The following DSCAM variants were observed in gnomAD, a reference collection of about 807,000 sequenced individuals.
DSCAM encodes cell adhesion molecule DSCAM.
Under a neutral mutation model 217.7 loss-of-function variants are expected in DSCAM, and 47 were observed. The observed-to-expected ratio is 0.22, with a 90% CI of 0.17 to 0.28. The LOEUF (loss-of-function observed/expected upper bound fraction) is 0.28. Among genes scored for constraint, DSCAM ranks in the 10% least tolerant of loss-of-function variants. DSCAM has a pLI of 1.00. For missense variants in DSCAM, 2,080 were observed against 2,618.3 expected (o/e 0.79, Z 4.49); for synonymous variants, 1,056 against 1,015.3 (o/e 1.04, Z -0.76).
chr21:40,349,136 CA>C (rs758386936), intron 5 of DSCAM, among the ~76,000 whole-genome samples: 1,031 of 38,708 alleles, frequency 0.027, 44 homozygotes, highest in African/African-American at 0.083. Context: ...GACTCCATCT[CA>C]AAAAAAAAAA....
intron 25 of DSCAM, among the ~76,000 whole-genome samples, chr21:40,079,305 C>T (rs560136700): frequency 1.3e-5 from 2 of 152,214 alleles, no homozygotes; most frequent in East Asian, 3.9e-4. Flanking sequence ...GCACTTTTTC[C>T]ATCCTCATGT....
At chr21:40,748,055 AC>A (rs1222295379) in intron 1 of DSCAM, among the ~76,000 whole-genome samples, 1 of 151,952 alleles carries the variant, frequency 6.6e-6, no homozygotes, top group Non-Finnish European at 1.5e-5. Flanking sequence ...GGTTATAAAA[AC>A]AACACACCTT....
chr21:40,156,805 T>C (rs2090483465), intron 16 of DSCAM, among the ~76,000 whole-genome samples: 1 of 152,226 alleles, frequency 6.6e-6, no homozygotes, highest in African/African-American at 2.4e-5. Context: ...AGGTCACTTC[T>C]GTTATGCATT....
At chr21:40,602,863 T>G (rs1281395097) in intron 3 of DSCAM, among the ~76,000 whole-genome samples, 2 of 152,022 alleles carry the variant, frequency 1.3e-5, no homozygotes, top group African/African-American at 4.8e-5. Context: ...TTCTTTCTTC[T>G]GCTTGTTTTA....
intron 32 of DSCAM, among the ~76,000 whole-genome samples, chr21:40,041,008 T>A (rs2088738371): frequency 6.6e-6 from 1 of 151,712 alleles, no homozygotes; most frequent in East Asian, 1.9e-4. Context: ...AGAATGAAAA[T>A]AAAGGAAGCC....
chr21:40,717,272 G>T (rs2090852155), intron 1 of DSCAM, among the ~76,000 whole-genome samples: 1 of 152,242 alleles, frequency 6.6e-6, no homozygotes. Flanking sequence ...AGATTGTAAA[G>T]AGTGTCAGGT....
rs755767800 is a variant in DSCAM, at chr21:40,605,791, C to CTTTTTTTTTTTTT, written c.508+87006_508+87018dup. 1.3e-4 allele frequency among the ~76,000 whole-genome samples: 8 copies of CTTTTTTTTTTTTT among 62,006 alleles called. 1 individual carries two copies. The highest frequency in any genetic ancestry group is 5.1e-4 in the African/African-American group (8 of 15,822). 40.7% of individuals were successfully genotyped at this position (62,006 alleles called of 152,430 possible). On this transcript the variant is annotated intron_variant, in intron 3 of 32. Coordinates refer to ENST00000400454, the MANE Select transcript of DSCAM (RefSeq NM_001389.5). ...CTTATATATGTGCTTAATGCACATT[C>CTTTTTTTTTTTTT]TTTTTTTTTTTTTTTTTTTTTTTTT...
intron 10 of DSCAM, among the ~76,000 whole-genome samples, chr21:40,284,299 G>A (rs1569041124): frequency 6.6e-6 from 1 of 152,186 alleles, no homozygotes; most frequent in African/African-American, 2.4e-5. Context: ...CTTGGTTCCA[G>A]GCTGGAGAGC....
At chr21:40,148,582 A>T (rs761237907) in intron 16 of DSCAM, among the ~76,000 whole-genome samples, 1 of 152,052 alleles carries the variant, frequency 6.6e-6, no homozygotes, top group Non-Finnish European at 1.5e-5. Context: ...TTCTATTTCA[A>T]TTACAACACT....
chr21:40,235,112 CA>C (rs1459096694), intron 11 of DSCAM, among the ~76,000 whole-genome samples: 22 of 152,156 alleles, frequency 1.4e-4, no homozygotes, highest in African/African-American at 5.3e-4. Context: ...CAAAAATTAG[CA>C]GAGCAAATGT....
chr21:40,649,491 C>T (rs1416802387), intron 3 of DSCAM, among the ~76,000 whole-genome samples: 1 of 152,198 alleles, frequency 6.6e-6, no homozygotes, highest in Non-Finnish European at 1.5e-5. Flanking sequence ...AATATATATA[C>T]TTTAGCAACA....
intron 3 of DSCAM, among the ~76,000 whole-genome samples, chr21:40,559,831 C>T (rs1470475981): frequency 1.4e-5 from 2 of 140,462 alleles, no homozygotes; most frequent in African/African-American, 2.7e-5. Context: ...CTCGCTCTGT[C>T]TCCCAGGCTG....
chr21:40,821,850 G>A (rs1003136835), intron 1 of DSCAM, among the ~76,000 whole-genome samples: 2 of 151,936 alleles, frequency 1.3e-5, no homozygotes, highest in Non-Finnish European at 2.9e-5. Context: ...AACACACACT[G>A]GGGCCTATTG....
intron 6 of DSCAM, among the ~76,000 whole-genome samples, chr21:40,342,648 A>ATATATATATATATTTT (rs61637421): frequency 1.2e-5 from 1 of 80,322 alleles, no homozygotes; most frequent in African/African-American, 5.2e-5. Context: ...ATATATATAT[A>ATATATATATATATTTT]TTTTTTTTTT....
intron 3 of DSCAM, among the ~76,000 whole-genome samples, chr21:40,508,095 T>TC (rs1164401743): frequency 7.9e-5 from 12 of 152,048 alleles, no homozygotes; most frequent in African/African-American, 2.7e-4. Flanking sequence ...GGGGATGGAG[T>TC]ATGGACGCAG....
chr21:40,738,834 C>T (rs1308073360), intron 1 of DSCAM, among the ~76,000 whole-genome samples: 1 of 152,196 alleles, frequency 6.6e-6, no homozygotes, highest in Admixed American at 6.5e-5. Flanking sequence ...TGCTTCACTA[C>T]CAAGGCTTGG....
intron 24 of DSCAM, among the ~76,000 whole-genome samples, chr21:40,081,965 G>T (rs933214979): frequency 2.6e-5 from 4 of 152,214 alleles, no homozygotes; most frequent in Admixed American, 1.3e-4. Context: ...TTTCATTTGA[G>T]CCTAAAACCT....
chr21:40,085,757 G>C lies in DSCAM; in HGVS notation c.3977C>G (p.Thr1326Arg), dbSNP rs1365730685. Residue 1326 changes from threonine to arginine, a missense_variant, in exon 23 of 33, where the codon ACA becomes AGA. By Grantham distance (71) the Thr-to-Arg change is moderately conservative. Transcript: ENST00000400454. Reference sequence around the variant, plus strand: ...CCCATCAATCGTTACTAGACTGGGTGTCCCGTTACTGCCTCACAGGAAGAA... The same window carrying C: ...CCCATCAATCGTTACTAGACTGGGTCTCCCGTTACTGCCTCACAGGAAGAA... ...AVKWMKDSNG[T>R]PSLVTIDGRR... 12 of 1,505,846 alleles carry C rather than the reference G, an allele frequency of 8.0e-6. No individual in the cohort carries two copies. Among genetic ancestry groups the C allele is most frequent in the Middle Eastern group, 1.8e-4 (1 of 5,644 alleles). 93.3% of individuals were successfully genotyped at this position (1,505,846 alleles called of 1,614,324 possible). A position where few individuals can be genotyped will look rare whatever the true frequency, so the allele number is the denominator to read the frequency against.
Position 40,016,699 on chromosome 21 carries a change from T to C in DSCAM, c.5687-3313A>G, listed in dbSNP as rs1450136370. ...ACCTGAGCCAAGTGAGGGCTGCCATTAGCCAGCTGCTCTGCTAGCGGGGCA... is the reference window on the plus strand; with the variant it reads ...ACCTGAGCCAAGTGAGGGCTGCCATCAGCCAGCTGCTCTGCTAGCGGGGCA... On this transcript the variant is annotated intron_variant, in intron 32 of 32. Transcript: ENST00000400454. The surrounding 1 kb of genome is among the most constrained non-coding windows in gnomAD (Gnocchi z 4.3). 6.6e-6 allele frequency among the ~76,000 whole-genome samples: 1 copy of C among 152,204 alleles called. No individual in the cohort carries two copies. Among genetic ancestry groups the C allele is most frequent in the Non-Finnish European group, 1.5e-5 (1 of 68,030 alleles).
Sources: gnomAD v4.1 joint callset for allele counts (sites outside exome capture counted in the v4.1 genomes callset) on GRCh38, gnomAD v4.1.1 for gene constraint, Gnocchi (gnomAD v3.1) non-coding constraint, MANE v1.5 for transcripts, NCBI Gene and HGNC (gene_info 2026-07-23, HGNC 2026-07-21) for gene names.